LRP11: variants seen among roughly 807,000 people sequenced by gnomAD.
The protein encoded by LRP11 is LDL receptor related protein 11, also known as low-density lipoprotein receptor-related protein 11.
Under a neutral mutation model 43.1 loss-of-function variants are expected in LRP11, and 25 were observed. The ratio of observed to expected loss-of-function variants is 0.58; its 90% CI spans 0.42 to 0.81. The LOEUF (loss-of-function observed/expected upper bound fraction) is 0.81, where lower values mean the gene tolerates loss of function less well. Among genes scored for constraint, LRP11 ranks in the 30% least tolerant of loss-of-function variants. The pLI is 0.00. For missense variants in LRP11, 623 were observed against 665.1 expected, an observed-to-expected ratio of 0.94 and a Z score of 0.70; for synonymous variants, 316 against 299.4, an observed-to-expected ratio of 1.06 and a Z score of -0.57.
chr6:149,861,390 C>A (rs186323394), intron 1 of LRP11, among the ~76,000 whole-genome samples: 3 of 152,166 alleles, frequency 2.0e-5, no homozygotes, highest in Non-Finnish European at 4.4e-5. Flanking sequence ...ACCAGCACCG[C>A]GCTCGCCTAT....
At chr6:149,841,968 A>G (rs1448066943) in intron 3 of LRP11, among the ~76,000 whole-genome samples, 1 of 152,168 alleles carries the variant, frequency 6.6e-6, no homozygotes, top group Middle Eastern at 3.2e-3. Context: ...GATGAATGAA[A>G]TAAGTTTTAC....
chr6:149,832,090 T>C (rs9371486), intron 5 of LRP11, among the ~76,000 whole-genome samples: 47,629 of 152,088 alleles, frequency 0.31, 8,340 homozygotes, highest in East Asian at 0.49. Flanking sequence ...TTCTTCATCA[T>C]TGTCAATGTG....
chr6:149,839,461 G>C (rs1776517017), intron 3 of LRP11, among the ~76,000 whole-genome samples: 2 of 152,138 alleles, frequency 1.3e-5, no homozygotes, highest in African/African-American at 4.8e-5. Context: ...GCAGGATACA[G>C]TTCCTCGTCA....
chr6:149,846,132 T>C (rs1583088788), intron 2 of LRP11, among the ~76,000 whole-genome samples: 2 of 152,286 alleles, frequency 1.3e-5, no homozygotes, highest in Admixed American at 1.3e-4. Flanking sequence ...TTATGGCCTC[T>C]TCCCATGGGC....
intron 3 of LRP11, among the ~76,000 whole-genome samples, chr6:149,841,456 C>A (rs924349496): frequency 6.6e-6 from 1 of 152,190 alleles, no homozygotes; most frequent in African/African-American, 2.4e-5. Context: ...TACACGATGA[C>A]CGAGTAACAG....
rs1173934558 is a variant in LRP11 at position 149,863,717 on chromosome 6, C to G, written c.304G>C (p.Asp102His). 5 of 1,482,238 alleles carry G rather than the reference C, an allele frequency of 3.4e-6. No individual in the cohort carries two copies. In the South Asian group the frequency reaches 6.3e-5, roughly 19 times the overall value. The allele number at this position is 1,482,238 out of a possible 1,614,324, so 91.8% of individuals were successfully genotyped here. The change falls in exon 1 of 7, where the codon GAC (aspartate) becomes CAC (histidine). Residue 102 changes from aspartate to histidine, a missense_variant. Transcript: ENST00000239367. ...PGSGGYSAMP[D>H]AIIRTKDSLA... ...GAGTCCTTGGTGCGGATGATGGCGT[C>G]AGGCATTGCGCTGTAGCCGCCGCTG...
chr6:149,855,709 TTTTA>T (rs1776787956), intron 1 of LRP11, among the ~76,000 whole-genome samples: 1 of 139,990 alleles, frequency 7.1e-6, no homozygotes, highest in African/African-American at 3.3e-5. Flanking sequence ...TTTTTTTTTT[TTTTA>T]AAAAAAAAAC....
rs1229825771 is a variant in LRP11, at chr6:149,863,559, CG to C, written c.461del (p.Pro154ArgfsTer76). 4.4e-6 allele frequency: 6 copies of C among 1,376,452 alleles called. No homozygotes were observed. Among genetic ancestry groups the C allele is most frequent in the Admixed American group, 3.5e-5 (1 of 28,924 alleles). 85.3% of individuals were successfully genotyped at this position (1,376,452 alleles called of 1,614,324 possible). Reference sequence around the variant, plus strand: ...AGAGGTAGCAGCCGAGCACGGCTGCCGGGGGCGCGGGGCGCCGGGGCAGCTC... The same window carrying C: ...AGAGGTAGCAGCCGAGCACGGCTGCCGGGGCGCGGGGCGCCGGGGCAGCTC... ...VVELPRRPAP[P>X]AAVLGCYLFN... On this transcript the variant is annotated frameshift_variant, in exon 1 of 7. Coordinates refer to ENST00000239367, the MANE Select transcript of LRP11 (RefSeq NM_032832.6). LOFTEE classifies it high-confidence loss of function.
In LRP11 at chr6:149,836,217, C is replaced by T. The variant is rs1776469530; in HGVS notation, c.1120G>A (p.Gly374Arg). ...GACTTTTCCACCAAGGAGTCACCCC[C>T]TGCATCTTCACTCGGCCCTGTGGTT... is the stretch of plus-strand genomic sequence containing the variant. ...PRTTGPSEDA[G>R]GDSLVEKSQK... The change falls in exon 5 of 7, where the codon GGG becomes AGG. Residue 374 changes from glycine to arginine, a missense_variant. Physicochemically the swap from Gly to Arg is moderately radical, Grantham distance 125. Transcript: ENST00000239367. 6.2e-7 allele frequency: 1 copy of T among 1,614,062 alleles called. No individual in the cohort carries two copies. The highest frequency in any genetic ancestry group is 1.3e-5 in the African/African-American group (1 of 74,922).
At chr6:149,858,422 C>T (rs1053572926) in intron 1 of LRP11, among the ~76,000 whole-genome samples, 17 of 152,276 alleles carry the variant, frequency 1.1e-4, no homozygotes, top group East Asian at 3.9e-4. Context: ...ATATGTGCCA[C>T]ATTTTCTTAA....
At chr6:149,825,254 G>A (rs1019899471) in intron 6 of LRP11, among the ~76,000 whole-genome samples, 2 of 151,990 alleles carry the variant, frequency 1.3e-5, no homozygotes, top group Admixed American at 6.6e-5. Context: ...TCTAAAGGAT[G>A]GTTTCCAAAG....
chr6:149,830,865 C>A (rs1478444706), intron 5 of LRP11, among the ~76,000 whole-genome samples: 1 of 152,184 alleles, frequency 6.6e-6, no homozygotes, highest in Non-Finnish European at 1.5e-5. Context: ...TACCCAGGAA[C>A]CTGGCCCTGC....
chr6:149,829,886 T>A (rs1313640154), intron 5 of LRP11, among the ~76,000 whole-genome samples: 1 of 152,144 alleles, frequency 6.6e-6, no homozygotes. Flanking sequence ...CGAATACCAC[T>A]GGACTTGAAT....
intron 3 of LRP11, 77 bp from the exon 4 acceptor site, chr6:149,837,540 G>A (rs750153144): frequency 2.7e-5 from 39 of 1,455,236 alleles, no homozygotes; most frequent in South Asian, 1.1e-4. Flanking sequence ...AGGGGAGTCC[G>A]TGGGGATGAT....
At chr6:149,862,731 C>T (rs190715940) in intron 1 of LRP11, among the ~76,000 whole-genome samples, 2 of 152,184 alleles carry the variant, frequency 1.3e-5, no homozygotes, top group Admixed American at 1.3e-4. Context: ...AGGCGCATGC[C>T]ACCAGCTCTG....
intron 2 of LRP11, among the ~76,000 whole-genome samples, chr6:149,846,729 G>A (rs1392813052): frequency 2.0e-5 from 3 of 152,110 alleles, no homozygotes; most frequent in African/African-American, 7.2e-5. Context: ...GTTGAGGCCA[G>A]GAGTTTGAGA....
At chr6:149,842,757 C>G in intron 3 of LRP11, 3 of 1,415,210 alleles carry the variant, frequency 2.1e-6, no homozygotes, top group Non-Finnish European at 2.9e-6. Flanking sequence ...AGCATCTCTT[C>G]TCATCCCCTG....
At chr6:149,843,231 C>T (rs1000191831) in intron 2 of LRP11, 107 bp from the exon 3 acceptor site, 3 of 1,261,276 alleles carry the variant, frequency 2.4e-6, no homozygotes, top group Admixed American at 1.8e-5. Context: ...CAGGACCTGC[C>T]TCTGCACTCC....
chr6:149,845,499 T>C (rs1776618581), intron 2 of LRP11, among the ~76,000 whole-genome samples: 1 of 152,218 alleles, frequency 6.6e-6, no homozygotes, highest in African/African-American at 2.4e-5. Context: ...CAAAGAGATG[T>C]TAAGCAGTGC....
Sources: gnomAD v4.1 joint callset for allele counts (sites outside exome capture counted in the v4.1 genomes callset) on GRCh38, gnomAD v4.1.1 for gene constraint, MANE v1.5 for transcripts, NCBI Gene and HGNC (gene_info 2026-07-23, HGNC 2026-07-21) for gene names.